Variants in TSHZ2 observed in about 807,000 individuals in gnomAD.
TSHZ2 encodes the protein teashirt homolog 2.
A neutral mutation model predicts 74.4 loss-of-function variants in TSHZ2; 21 were observed. The ratio of observed to expected loss-of-function variants is 0.28; its 90% CI spans 0.20 to 0.41. TSHZ2 has a LOEUF of 0.41. TSHZ2 is among the 10% of genes least tolerant of loss of function. The probability of loss-of-function intolerance (pLI) is 1.00; values close to 1 mark genes in which losing one functional copy is unlikely to be tolerated. For synonymous variants in TSHZ2, 540 were observed against 515.3 expected (o/e 1.05, Z -0.65); for missense variants, 1,244 against 1,293.5 (o/e 0.96, Z 0.59).
intron 1 of TSHZ2, among the ~76,000 whole-genome samples, chr20:53,023,909 A>G (rs1983339580): frequency 6.6e-6 from 1 of 152,080 alleles, no homozygotes; most frequent in Admixed American, 6.6e-5. Flanking sequence ...CGTTTTCCTG[A>G]GTGCCCTCTG....
chr20:53,265,942 C>T (rs189475085), intron 2 of TSHZ2, among the ~76,000 whole-genome samples: 27 of 152,270 alleles, frequency 1.8e-4, no homozygotes, highest in Non-Finnish European at 4.4e-5. Context: ...ATTTGTCAGA[C>T]ACTTCTTACA....
At chr20:53,140,021 G>T (rs578082408) in intron 1 of TSHZ2, among the ~76,000 whole-genome samples, 1 of 151,818 alleles carries the variant, frequency 6.6e-6, no homozygotes, top group Non-Finnish European at 1.5e-5. Flanking sequence ...TCATTAATTC[G>T]TTCGACAAAT....
At chr20:53,341,989 G>C (rs1046756594) in intron 2 of TSHZ2, among the ~76,000 whole-genome samples, 3 of 152,116 alleles carry the variant, frequency 2.0e-5, no homozygotes, top group African/African-American at 7.2e-5. Flanking sequence ...GGGATTATAG[G>C]CGTGAGCAAT....
chr20:53,175,159 T>TTTTC (rs1221311949), intron 1 of TSHZ2, among the ~76,000 whole-genome samples: 3 of 134,100 alleles, frequency 2.2e-5, no homozygotes, highest in African/African-American at 5.9e-5. Context: ...TTTTTTTTTT[T>TTTTC]CAACGGAGTT....
chr20:53,422,818 C>A (rs1983525442), intron 2 of TSHZ2, among the ~76,000 whole-genome samples: 1 of 152,182 alleles, frequency 6.6e-6, no homozygotes, highest in Non-Finnish European at 1.5e-5. Flanking sequence ...ACACTGATCT[C>A]CTTCAATATA....
At chr20:53,462,437 T>C (rs1985407993) in intron 2 of TSHZ2, among the ~76,000 whole-genome samples, 2 of 152,226 alleles carry the variant, frequency 1.3e-5, no homozygotes, top group Admixed American at 1.3e-4. Context: ...ACACAATTCA[T>C]ACCCACAACA....
intron 2 of TSHZ2, among the ~76,000 whole-genome samples, chr20:53,420,283 G>A (rs1983422315): frequency 6.6e-6 from 1 of 152,206 alleles, no homozygotes; most frequent in African/African-American, 2.4e-5. Flanking sequence ...AGGCGGAAAA[G>A]GTGTGTCAGC....
At chr20:53,060,523 G>T (rs1195591551) in intron 1 of TSHZ2, among the ~76,000 whole-genome samples, 4 of 152,300 alleles carry the variant, frequency 2.6e-5, no homozygotes, top group African/African-American at 2.4e-5. Context: ...CAGGACACAA[G>T]TATTGACAGA....
intron 1 of TSHZ2, among the ~76,000 whole-genome samples, chr20:52,974,681 AAGTT>A (rs1305500608): frequency 6.6e-6 from 1 of 152,144 alleles, no homozygotes; most frequent in African/African-American, 2.4e-5. Context: ...AACAAATCCA[AAGTT>A]AGTTAGGAAT....
intron 1 of TSHZ2, among the ~76,000 whole-genome samples, chr20:53,143,065 T>TTG (rs2123420368): frequency 6.6e-6 from 1 of 152,200 alleles, no homozygotes; most frequent in East Asian, 1.9e-4. Context: ...TCAGTCCATT[T>TTG]TGTGTGTGTG....
At chr20:53,258,152 G>A (rs1197034733) in intron 2 of TSHZ2, among the ~76,000 whole-genome samples, 2 of 152,150 alleles carry the variant, frequency 1.3e-5, no homozygotes, top group Non-Finnish European at 2.9e-5. Flanking sequence ...TTTTTGGTTT[G>A]CATGTTTTTA....
chr20:53,340,542 A>G (rs2145567390), intron 2 of TSHZ2, among the ~76,000 whole-genome samples: 2 of 152,238 alleles, frequency 1.3e-5, no homozygotes, highest in Middle Eastern at 3.4e-3. Context: ...GCCCTATATC[A>G]TCATCCTTTC....
chr20:53,358,303 GAA>G (rs58636181), intron 2 of TSHZ2, among the ~76,000 whole-genome samples: 3 of 100,554 alleles, frequency 3.0e-5, no homozygotes, highest in Admixed American at 1.4e-4. Context: ...AGACCAGGCA[GAA>G]AAAAAAAAAA....
intron 1 of TSHZ2, among the ~76,000 whole-genome samples, chr20:53,154,374 A>G (rs535459825): frequency 2.3e-4 from 35 of 152,318 alleles, no homozygotes; most frequent in African/African-American, 8.2e-4. Context: ...TTTCCCATGA[A>G]CAAAATTTGT....
At chr20:53,188,005 C>G (rs1438654476) in intron 1 of TSHZ2, among the ~76,000 whole-genome samples, 1 of 152,148 alleles carries the variant, frequency 6.6e-6, no homozygotes, top group Admixed American at 6.5e-5. Flanking sequence ...CGAAGCAAGT[C>G]TGGAAGACTT....
intron 2 of TSHZ2, among the ~76,000 whole-genome samples, chr20:53,263,296 C>T (rs747823966): frequency 2.0e-5 from 3 of 152,210 alleles, no homozygotes; most frequent in African/African-American, 4.8e-5. Context: ...TAAATAGACA[C>T]AAATTTCCCT....
chr20:53,348,337 A>G (rs1297993906), intron 2 of TSHZ2, among the ~76,000 whole-genome samples: 2 of 152,254 alleles, frequency 1.3e-5, no homozygotes, highest in African/African-American at 4.8e-5. Context: ...AACATGGATG[A>G]ACCTTGCCTG....
chr20:53,079,069 A>T lies in TSHZ2; in HGVS notation c.40+105736A>T, dbSNP rs73911304. ...AATATCCAACATTGAAAAGGAAAAA[A>T]GTCTGCAAAACATGAGCTTTTGGAG... On this transcript the variant is annotated intron_variant, in intron 1 of 2. Coordinates refer to ENST00000371497, the MANE Select transcript of TSHZ2 (RefSeq NM_173485.6). Among the ~76,000 whole-genome samples, 402 of 152,334 alleles carry T rather than the reference A, an allele frequency of 2.6e-3. 5 individuals are homozygous for T. Among genetic ancestry groups the T allele is most frequent in the African/African-American group, 9.3e-3 (385 of 41,570 alleles).
chr20:53,140,813 C>T, intron 1 of TSHZ2, among the ~76,000 whole-genome samples: 1 of 152,108 alleles, frequency 6.6e-6, no homozygotes, highest in East Asian at 1.9e-4. Context: ...AGAGGGAGAG[C>T]TTTGGGGGCA....
Sources: allele counts gnomAD v4.1 joint callset (sites outside exome capture counted in the v4.1 genomes callset), GRCh38; gene constraint gnomAD v4.1.1; transcripts MANE v1.5; gene names NCBI Gene and HGNC (gene_info 2026-07-23, HGNC 2026-07-21).